The following SPAG16 variants were observed in gnomAD, a reference collection of about 807,000 sequenced individuals.
SPAG16 encodes the protein sperm associated antigen 16, also known as sperm-associated antigen 16 protein.
In SPAG16, 86 loss-of-function variants were observed where a neutral mutation model predicts 80.4. That is an observed-to-expected ratio of 1.07 (90% confidence interval 0.90 to 1.28). The LOEUF (loss-of-function observed/expected upper bound fraction) is 1.28, where lower values mean the gene tolerates loss of function less well. SPAG16 is among the 50% of genes most tolerant of loss of function. The pLI is 0.00. For missense variants in SPAG16, 870 were observed against 765.3 expected, an observed-to-expected ratio of 1.14 and a Z score of -1.61; for synonymous variants, 294 against 265.9, an observed-to-expected ratio of 1.11 and a Z score of -1.03.
At position 214,001,704 on chromosome 2, in the gene SPAG16, C is replaced by G. The variant is rs1262347831; in HGVS notation, c.1401-12247C>G. 2.6e-5 allele frequency among the ~76,000 whole-genome samples: 4 copies of G among 152,110 alleles called. No homozygotes were observed. The East Asian group carries it at 7.7e-4, about 29-fold the overall frequency. On this transcript the variant is annotated intron_variant, in intron 12 of 15. Coordinates refer to ENST00000331683, the MANE Select transcript of SPAG16 (RefSeq NM_024532.5). ...GTACATACCTTGATGGTACGGATGACAGGCATCAAACCTAAACTCTGTAAA... is the reference window on the plus strand; with the variant it reads ...GTACATACCTTGATGGTACGGATGAGAGGCATCAAACCTAAACTCTGTAAA...
At chr2:214,188,810 TA>T (rs1430347027) in intron 15 of SPAG16, among the ~76,000 whole-genome samples, 3 of 152,176 alleles carry the variant, frequency 2.0e-5, no homozygotes, top group Non-Finnish European at 4.4e-5. Context: ...GCAACACATC[TA>T]TTTTTTAACT....
intron 10 of SPAG16, among the ~76,000 whole-genome samples, chr2:213,644,707 T>A (rs2062754346): frequency 6.6e-6 from 1 of 152,316 alleles, no homozygotes; most frequent in East Asian, 1.9e-4. Context: ...TCTTTCTCTC[T>A]TTCTCTCTCT....
chr2:214,332,516 G>A (rs1003517519), intron 15 of SPAG16, among the ~76,000 whole-genome samples: 1 of 152,162 alleles, frequency 6.6e-6, no homozygotes, highest in Non-Finnish European at 1.5e-5. Context: ...ACATTAGCAT[G>A]TAATTTACAA....
At chr2:213,372,532 C>G (rs2066693680) in intron 8 of SPAG16, among the ~76,000 whole-genome samples, 1 of 152,022 alleles carries the variant, frequency 6.6e-6, no homozygotes. Context: ...CTCAGAATTG[C>G]ATTATGAGAT....
At chr2:214,352,895 G>C (rs1698518566) in intron 15 of SPAG16, among the ~76,000 whole-genome samples, 1 of 151,902 alleles carries the variant, frequency 6.6e-6, no homozygotes, top group African/African-American at 2.4e-5. Context: ...AACATTTACA[G>C]AGAGACCTTA....
chr2:214,403,785 C>G (rs1209360515), intron 15 of SPAG16, among the ~76,000 whole-genome samples: 1 of 152,004 alleles, frequency 6.6e-6, no homozygotes, highest in Non-Finnish European at 1.5e-5. Flanking sequence ...ATGGCATGGC[C>G]CCTGTTCCTG....
intron 8 of SPAG16, among the ~76,000 whole-genome samples, chr2:213,370,101 C>G (rs1188910213): frequency 1.3e-5 from 2 of 152,124 alleles, no homozygotes; most frequent in Non-Finnish European, 2.9e-5. Flanking sequence ...AAAGTAGTAT[C>G]AGTTATGCAC....
chr2:214,080,580 C>T (rs545861607), intron 13 of SPAG16, among the ~76,000 whole-genome samples: 17 of 148,620 alleles, frequency 1.1e-4, no homozygotes, highest in Admixed American at 4.0e-4. Context: ...TGCACTCCAG[C>T]CTGGGCGACA....
intron 10 of SPAG16, among the ~76,000 whole-genome samples, chr2:213,725,934 A>G (rs1356525573): frequency 2.0e-5 from 3 of 152,210 alleles, no homozygotes; most frequent in Non-Finnish European, 4.4e-5. Flanking sequence ...GCAGGGGGAA[A>G]GTGGGGGACC....
chr2:214,273,945 ATTTG>A (rs150487244), intron 15 of SPAG16, among the ~76,000 whole-genome samples: 71 of 152,156 alleles, frequency 4.7e-4, no homozygotes, highest in African/African-American at 1.7e-3. Context: ...ATGTTCTTCC[ATTTG>A]TTTGTGTCCC....
chr2:214,332,383 C>T (rs1696982817), intron 15 of SPAG16, among the ~76,000 whole-genome samples: 1 of 152,230 alleles, frequency 6.6e-6, no homozygotes, highest in South Asian at 2.1e-4. Context: ...CCACACACAG[C>T]TCTGTTCCTG....
intron 10 of SPAG16, among the ~76,000 whole-genome samples, chr2:213,491,998 A>T (rs1375299614): frequency 2.0e-5 from 3 of 152,310 alleles, no homozygotes; most frequent in Non-Finnish European, 4.4e-5. Context: ...TGACTTTGGG[A>T]CAACTTACTT....
chr2:213,831,518 G>A lies in SPAG16; in HGVS notation c.1071-30967G>A, dbSNP rs534580566. Among the ~76,000 whole-genome samples, 13 of 151,662 alleles carry A rather than the reference G, an allele frequency of 8.6e-5. No homozygotes were observed. In the South Asian group the frequency reaches 1.5e-3, roughly 17 times the overall value. ...ACATTCAAAGTTCTTCATGGTTGTC[G>A]TTGTTGTGTTGGTAGTTTTTGTTTT... On this transcript the variant is annotated intron_variant, in intron 10 of 15. Transcript: ENST00000331683.
chr2:213,396,023 C>T (rs1481340905), intron 9 of SPAG16, among the ~76,000 whole-genome samples: 3 of 151,804 alleles, frequency 2.0e-5, no homozygotes, highest in African/African-American at 7.3e-5. Context: ...TGCTTCTGGA[C>T]TTTCTTTTAT....
intron 10 of SPAG16, among the ~76,000 whole-genome samples, chr2:213,532,462 AT>A (rs374457236): frequency 0.014 from 1,953 of 139,908 alleles, 26 homozygotes; most frequent in African/African-American, 0.035. Flanking sequence ...GTTTAATTGA[AT>A]TTTTTTTTTT....
chr2:213,761,662 C>A (rs1445720439), intron 10 of SPAG16, among the ~76,000 whole-genome samples: 1 of 151,984 alleles, frequency 6.6e-6, no homozygotes, highest in African/African-American at 2.4e-5. Flanking sequence ...GAGATGAGAT[C>A]ATCCTGGCTA....
intron 10 of SPAG16, among the ~76,000 whole-genome samples, chr2:213,646,917 T>C (rs933638279): frequency 2.6e-5 from 4 of 152,156 alleles, no homozygotes; most frequent in African/African-American, 9.7e-5. Context: ...AAAATGAATA[T>C]ACCACAATGA....
intron 10 of SPAG16, among the ~76,000 whole-genome samples, chr2:213,527,224 C>T (rs2075917771): frequency 6.6e-6 from 1 of 152,200 alleles, no homozygotes; most frequent in Non-Finnish European, 1.5e-5. Flanking sequence ...CAGCTTTACT[C>T]AGTGCCTCAT....
chr2:213,623,257 T>C (rs2061847895), intron 10 of SPAG16, among the ~76,000 whole-genome samples: 2 of 152,298 alleles, frequency 1.3e-5, no homozygotes, highest in Non-Finnish European at 1.5e-5. Flanking sequence ...TTTTTTTAAG[T>C]GAAGGAGCTA....
Sources: gnomAD v4.1 joint callset for allele counts (sites outside exome capture counted in the v4.1 genomes callset) on GRCh38, gnomAD v4.1.1 for gene constraint, MANE v1.5 for transcripts, NCBI Gene and HGNC (gene_info 2026-07-23, HGNC 2026-07-21) for gene names.